Variants in SHQ1 observed in about 807,000 individuals in gnomAD.
The protein encoded by SHQ1 is protein SHQ1 homolog.
A neutral mutation model predicts 53.8 loss-of-function variants in SHQ1; 49 were observed. The ratio of observed to expected loss-of-function variants is 0.91; its 90% CI spans 0.72 to 1.16. SHQ1 has a LOEUF of 1.16. Among genes scored for constraint, SHQ1 ranks in the 50% most tolerant of loss-of-function variants. SHQ1 has a pLI of 0.00. For missense variants in SHQ1, 738 were observed against 683.1 expected, an observed-to-expected ratio of 1.08 and a Z score of -0.90; for synonymous variants, 243 against 251.0, an observed-to-expected ratio of 0.97 and a Z score of 0.30.
chr3:72,773,148 G>A, intron 10 of SHQ1: 1 of 748,264 alleles, frequency 1.3e-6, no homozygotes, highest in Non-Finnish European at 2.5e-6. Context: ...AGGATGAGTT[G>A]GAATTTTGGA....
At chr3:72,807,628 T>C (rs2106842359) in intron 9 of SHQ1, among the ~76,000 whole-genome samples, 1 of 152,338 alleles carries the variant, frequency 6.6e-6, no homozygotes, top group East Asian at 1.9e-4. Flanking sequence ...ATAAATAAAA[T>C]GTAAATATTA....
At chr3:72,799,059 A>C (rs551555553) in intron 9 of SHQ1, among the ~76,000 whole-genome samples, 2 of 152,128 alleles carry the variant, frequency 1.3e-5, no homozygotes, top group South Asian at 4.2e-4. Flanking sequence ...GGTGGCTCAC[A>C]CCTATAATCC....
At chr3:72,823,828 T>G (rs911008146) in intron 6 of SHQ1, among the ~76,000 whole-genome samples, 8 of 152,226 alleles carry the variant, frequency 5.3e-5, no homozygotes, top group African/African-American at 1.9e-4. Flanking sequence ...AGAATGTACA[T>G]ATATATGTAT....
At chr3:72,769,142 T>C (rs1016827173) in intron 10 of SHQ1, among the ~76,000 whole-genome samples, 3 of 152,122 alleles carry the variant, frequency 2.0e-5, no homozygotes, top group Admixed American at 2.0e-4. Context: ...AGCAGGCAGG[T>C]GGGGGTCTGT....
the SHQ1 span, among the ~76,000 whole-genome samples, chr3:72,738,023 C>G: frequency 6.6e-6 from 1 of 152,204 alleles, no homozygotes; most frequent in Non-Finnish European, 1.5e-5. Flanking sequence ...TCTGCTAACC[C>G]TCCCGTGTTC....
the SHQ1 span, among the ~76,000 whole-genome samples, chr3:72,729,808 AATTTT>A: frequency 6.6e-6 from 1 of 152,038 alleles, no homozygotes; most frequent in Non-Finnish European, 1.5e-5. Context: ...TTTCAAATTA[AATTTT>A]ATTTTATTTT....
intron 10 of SHQ1, chr3:72,753,457 T>C: frequency 6.1e-6 from 6 of 985,378 alleles, no homozygotes; most frequent in Non-Finnish European, 4.8e-6. Flanking sequence ...AATGAGATTG[T>C]GCAGGGATTG....
chr3:72,732,380 G>GCCTT, the SHQ1 span, among the ~76,000 whole-genome samples: 3,789 of 92,104 alleles, frequency 0.041, 30 homozygotes, highest in Non-Finnish European at 0.046. Flanking sequence ...CTGCCTGCCT[G>GCCTT]CCTGCCTGCC....
At chr3:72,780,082 A>G (rs1706041237) in intron 10 of SHQ1, among the ~76,000 whole-genome samples, 4 of 152,198 alleles carry the variant, frequency 2.6e-5, no homozygotes, top group Admixed American at 2.6e-4. Flanking sequence ...CTATTTAAAA[A>G]ATATTTAATT....
chr3:72,780,471 C>T (rs1706048343), intron 10 of SHQ1, among the ~76,000 whole-genome samples: 1 of 152,168 alleles, frequency 6.6e-6, no homozygotes, highest in Non-Finnish European at 1.5e-5. Flanking sequence ...TTTTCTGAAG[C>T]ATTAGGATAA....
the SHQ1 span, among the ~76,000 whole-genome samples, chr3:72,735,013 ATG>A: frequency 6.6e-6 from 1 of 151,540 alleles, no homozygotes; most frequent in Admixed American, 6.6e-5. Flanking sequence ...GGAATTCAGT[ATG>A]TGTTCCAGAC....
At chr3:72,749,145 A>C (rs537376072), downstream of SHQ1, 10 of 184,482 alleles carry the variant, frequency 5.4e-5, no homozygotes, top group Non-Finnish European at 1.2e-4. Context: ...TGGGAATGTA[A>C]AATGGTACAG....
the SHQ1 span, among the ~76,000 whole-genome samples, chr3:72,734,146 C>T: frequency 6.1e-4 from 92 of 151,372 alleles, 3 homozygotes; most frequent in African/African-American, 1.7e-3. Flanking sequence ...GGTGACACAG[C>T]GAGACTCTGT....
intron 5 of SHQ1, among the ~76,000 whole-genome samples, chr3:72,826,993 CA>C (rs1244657147): frequency 6.6e-6 from 1 of 152,176 alleles, no homozygotes; most frequent in Non-Finnish European, 1.5e-5. Flanking sequence ...CCTGGAGAAG[CA>C]GACATAATGG....
In SHQ1 at chr3:72,750,708, T is replaced by G; in HGVS notation, c.1310A>C (p.Lys437Thr). 1 of 1,576,126 alleles carries G rather than the reference T, an allele frequency of 6.3e-7. No individual in the cohort carries two copies. The highest frequency in any genetic ancestry group is 8.6e-7 in the Non-Finnish European group (1 of 1,159,684). The change falls in exon 11 of 11, where the codon AAA becomes ACA. Residue 437 changes from lysine (K) to threonine (T), a missense_variant. Physicochemically the swap from Lys to Thr is moderately conservative, Grantham distance 78. Coordinates refer to ENST00000325599, the MANE Select transcript of SHQ1 (RefSeq NM_018130.3). ...LLVQEEETAL[K>T]AAHSVSGQQT... ...CTGCCCAGAAACTGAATGGGCTGCT[T>G]TTAATGCAGTTTCTTCCTCCTGGAC...
At chr3:72,844,276 C>G in intron 2 of SHQ1, 83 bp downstream of exon 2, 1 of 1,140,012 alleles carries the variant, frequency 8.8e-7, no homozygotes, top group Non-Finnish European at 1.3e-6. Flanking sequence ...ATCAAAAGGT[C>G]CCCATGGTAT....
rs1161324600 is a variant in SHQ1 at position 72,750,603 on chromosome 3, C to A, written c.1415G>T (p.Gly472Val). ...SSVSSGNEDS[G>V]SDSEQDELKD... The stretch of plus-strand genomic sequence containing the variant: ...GAGTTCATCTTGTTCTGAATCTGAG[C>A]CTGAGTCTTCGTTTCCAGATGACAC... The change falls in exon 11 of 11, where the codon GGC (glycine) becomes GTC (valine). Residue 472 changes from glycine to valine, a missense_variant. Transcript: ENST00000325599. 1.2e-6 allele frequency: 2 copies of A among 1,614,204 alleles called. No homozygotes were observed. The highest frequency in any genetic ancestry group is 1.3e-5 in the African/African-American group (1 of 75,048).
chr3:72,794,483 C>T (rs914217159), intron 9 of SHQ1: 6 of 152,220 alleles, frequency 3.9e-5, no homozygotes, highest in African/African-American at 1.2e-4. Flanking sequence ...TTTCATTCTA[C>T]GGTCTCACCC....
intron 10 of SHQ1, among the ~76,000 whole-genome samples, chr3:72,775,464 T>TTTTC (rs1705939973): frequency 6.6e-6 from 1 of 151,100 alleles, no homozygotes; most frequent in African/African-American, 2.4e-5. Context: ...AATGGCTTTT[T>TTTTC]TTTTTTTTTT....
Sources: gnomAD v4.1 joint callset for allele counts (sites outside exome capture counted in the v4.1 genomes callset) on GRCh38, gnomAD v4.1.1 for gene constraint, MANE v1.5 for transcripts, NCBI Gene and HGNC (gene_info 2026-07-23, HGNC 2026-07-21) for gene names.